Variants in SLC4A5 observed in about 807,000 individuals in gnomAD.
The protein encoded by SLC4A5 is solute carrier family 4 member 5.
In SLC4A5, 96 loss-of-function variants were observed where a neutral mutation model predicts 120.4. That is an observed-to-expected ratio of 0.80 (90% CI 0.68 to 0.94). The LOEUF (loss-of-function observed/expected upper bound fraction) is 0.94. SLC4A5 is among the 40% of genes least tolerant of loss of function. The pLI, the probability that SLC4A5 is intolerant of heterozygous loss-of-function variation, is 0.00. For missense variants in SLC4A5, 1,259 were observed against 1,459.5 expected, an observed-to-expected ratio of 0.86 and a Z score of 2.24; for synonymous variants, 550 against 571.1, an observed-to-expected ratio of 0.96 and a Z score of 0.53.
At chr2:74,250,083 A>G (rs1428723009) in intron 17 of SLC4A5, among the ~76,000 whole-genome samples, 3 of 152,258 alleles carry the variant, frequency 2.0e-5, no homozygotes, top group Admixed American at 6.5e-5. Flanking sequence ...CAAATAACAC[A>G]GCAGATGATT....
Position 74,285,756 on chromosome 2 carries a change from G to C in SLC4A5, c.401+17C>G. On this transcript the variant is annotated intron_variant, in intron 8 of 30. Coordinates refer to ENST00000394019, the Ensembl canonical transcript of SLC4A5. Reference sequence around the variant, plus strand: ...TGAGACTGAAGTGCCCACCTCCCTCGTGGGGCCCCGCCTCACCTGGCTGAC... The same window carrying C: ...TGAGACTGAAGTGCCCACCTCCCTCCTGGGGCCCCGCCTCACCTGGCTGAC... 2 of 1,606,878 alleles carry C rather than the reference G, an allele frequency of 1.2e-6. No individual in the cohort carries two copies. The highest frequency in any genetic ancestry group is 1.1e-5 in the South Asian group (1 of 90,834).
At chr2:74,267,690 T>C (rs1428896508) in intron 8 of SLC4A5, among the ~76,000 whole-genome samples, 1 of 152,184 alleles carries the variant, frequency 6.6e-6, no homozygotes, top group Non-Finnish European at 1.5e-5. Context: ...GGCGAATTAG[T>C]GTAGCAAGAG....
At chr2:74,245,430 G>C (rs1209379121) in intron 19 of SLC4A5, among the ~76,000 whole-genome samples, 1 of 152,222 alleles carries the variant, frequency 6.6e-6, no homozygotes. Context: ...ATGCAACACT[G>C]AATCTACAGT....
At chr2:74,246,210 G>A (rs146376664) in intron 19 of SLC4A5, among the ~76,000 whole-genome samples, 25 of 152,336 alleles carry the variant, frequency 1.6e-4, no homozygotes, top group African/African-American at 4.8e-4. Flanking sequence ...GGCACTGGGT[G>A]TTACCAGGTT....
chr2:74,279,221 T>C (rs950825505), intron 8 of SLC4A5, among the ~76,000 whole-genome samples: 1 of 152,256 alleles, frequency 6.6e-6, no homozygotes, highest in Non-Finnish European at 1.5e-5. Flanking sequence ...TTGGAAGAAC[T>C]GTCAGGTGAA....
At chr2:74,275,107 TAC>T (rs1208514165) in intron 8 of SLC4A5, among the ~76,000 whole-genome samples, 1 of 152,172 alleles carries the variant, frequency 6.6e-6, no homozygotes, top group Non-Finnish European at 1.5e-5. Flanking sequence ...GGTGATGCAG[TAC>T]AGTTTGGGCA....
intron 9 of SLC4A5, among the ~76,000 whole-genome samples, chr2:74,264,742 C>T (rs1209113742): frequency 1.3e-5 from 2 of 152,168 alleles, no homozygotes; most frequent in Non-Finnish European, 2.9e-5. Context: ...CTCCCTTCGA[C>T]ACACCACTAA....
At chr2:74,307,370 G>T in intron 6 of SLC4A5, 1 of 618,164 alleles carries the variant, frequency 1.6e-6, no homozygotes, top group South Asian at 1.5e-5. Context: ...CCTCTTCGTG[G>T]TTCTTCTTCA....
chr2:74,240,859 G>A (rs1208277426), intron 20 of SLC4A5, among the ~76,000 whole-genome samples: 1 of 152,120 alleles, frequency 6.6e-6, no homozygotes, highest in Non-Finnish European at 1.5e-5. Context: ...GCCTAGGCAG[G>A]AATAACTTAA....
intron 30 of SLC4A5, among the ~76,000 whole-genome samples, 170 bp downstream of exon 30, chr2:74,221,264 T>A (rs998480413): frequency 1.3e-5 from 2 of 152,260 alleles, no homozygotes; most frequent in African/African-American, 4.8e-5. Flanking sequence ...TACTTGTTTC[T>A]TGGCCCTGAA....
At chr2:74,239,470 G>A (rs373304661) in exon 21 of SLC4A5, 70 of 1,613,922 alleles carry the variant, frequency 4.3e-5, no homozygotes, top group Non-Finnish European at 5.5e-5. Flanking sequence ...GGCGCCCGCC[G>A]TAGCTCAGAC....
intron 5 of SLC4A5, among the ~76,000 whole-genome samples, chr2:74,320,165 G>A (rs930222860): frequency 4.0e-5 from 6 of 151,894 alleles, no homozygotes; most frequent in South Asian, 2.1e-4. Context: ...ATCAATCCAG[G>A]AGGCCCAAAC....
At chr2:74,264,029 C>G (rs1454142857) in intron 10 of SLC4A5, 118 bp downstream of exon 10, 6 of 1,334,328 alleles carry the variant, frequency 4.5e-6, no homozygotes, top group African/African-American at 1.5e-5. Flanking sequence ...GCTGAGGGAT[C>G]CCCAGAACAT....
chr2:74,231,418 T>C, intron 24 of SLC4A5, 110 bp from the exon 25 acceptor site: 1 of 932,320 alleles, frequency 1.1e-6, no homozygotes, highest in South Asian at 2.1e-5. Flanking sequence ...GCCATGGCCT[T>C]GAGGGCTTCT....
At chr2:74,314,287 G>C (rs995362617) in intron 6 of SLC4A5, among the ~76,000 whole-genome samples, 1 of 152,016 alleles carries the variant, frequency 6.6e-6, no homozygotes, top group Non-Finnish European at 1.5e-5. Context: ...CTCCTCTCAC[G>C]GTAAGTATCT....
At position 74,247,326 on chromosome 2, in the gene SLC4A5, G is replaced by GT. The variant is rs1251184328; in HGVS notation, c.1788-20dup. The GT allele has an allele frequency of 6.2e-7, 1 of 1,605,172 alleles. No individual in the cohort carries two copies. Among genetic ancestry groups the GT allele is most frequent in the East Asian group, 2.2e-5 (1 of 44,766 alleles). The stretch of plus-strand genomic sequence containing the variant: ...ATTGCCTCTGGAAGGCAGAGGGGAG[G>GT]TGAGGGGCCTCCAGCCCAGGGCTCC... On this transcript the variant is annotated intron_variant, in intron 18 of 30. Coordinates refer to ENST00000394019, the Ensembl canonical transcript of SLC4A5.
At chr2:74,325,177 A>G (rs1225216930) in intron 5 of SLC4A5, among the ~76,000 whole-genome samples, 2 of 152,206 alleles carry the variant, frequency 1.3e-5, no homozygotes, top group South Asian at 2.1e-4. Flanking sequence ...GTTATTTCCT[A>G]TTTGAAGTAC....
chr2:74,278,978 A>G lies in SLC4A5; in HGVS notation c.401+6795T>C, dbSNP rs113056822. On this transcript the variant is annotated intron_variant, in intron 8 of 30. Transcript: ENST00000394019. ...TCCTCAAACCACAGACCGGCCTGGA[A>G]TTCCCTCAACTCCCTGCTAGGAGCC... Among the ~76,000 whole-genome samples, 971 of 152,066 alleles carry G rather than the reference A, an allele frequency of 6.4e-3. 9 individuals carry two copies. Among genetic ancestry groups the G allele is most frequent in the African/African-American group, 0.022 (906 of 41,514 alleles).
chr2:74,315,946 TAAG>T (rs1020335625), intron 5 of SLC4A5, among the ~76,000 whole-genome samples: 1 of 152,142 alleles, frequency 6.6e-6, no homozygotes, highest in Non-Finnish European at 1.5e-5. Flanking sequence ...ACTTAAATAA[TAAG>T]AATAGTTAAC....
Sources: gnomAD v4.1 joint callset for allele counts (sites outside exome capture counted in the v4.1 genomes callset) on GRCh38, gnomAD v4.1.1 for gene constraint, MANE v1.5 for transcripts, NCBI Gene and HGNC (gene_info 2026-07-23, HGNC 2026-07-21) for gene names.